CCBE1: variants seen among roughly 807,000 people sequenced by gnomAD.
CCBE1 encodes the protein collagen and calcium binding EGF domains 1.
Under a neutral mutation model 50.0 loss-of-function variants are expected in CCBE1, and 37 were observed. The ratio of observed to expected loss-of-function variants is 0.74; its 90% CI spans 0.57 to 0.97. The LOEUF is 0.97. Among genes scored for constraint, CCBE1 ranks in the 50% least tolerant of loss-of-function variants. CCBE1 has a pLI of 0.00. For synonymous variants in CCBE1, 234 were observed against 203.7 expected, an observed-to-expected ratio of 1.15 and a Z score of -1.27; for missense variants, 538 against 523.8, an observed-to-expected ratio of 1.03 and a Z score of -0.26.
At chr18:59,611,714 C>A (rs1483460062) in intron 2 of CCBE1, among the ~76,000 whole-genome samples, 52 of 151,846 alleles carry the variant, frequency 3.4e-4, no homozygotes. Context: ...CCACTGCACT[C>A]CAGCATGGGC....
intron 3 of CCBE1, among the ~76,000 whole-genome samples, chr18:59,473,135 A>G (rs1912117096): frequency 6.6e-6 from 1 of 152,210 alleles, no homozygotes; most frequent in Non-Finnish European, 1.5e-5. Flanking sequence ...AGTGGAGAAT[A>G]TTCTCCATTG....
chr18:59,542,908 T>A (rs1032898459), intron 2 of CCBE1, among the ~76,000 whole-genome samples: 1 of 152,196 alleles, frequency 6.6e-6, no homozygotes, highest in South Asian at 2.1e-4. Context: ...CCATGACTAC[T>A]GAACTCTCGA....
chr18:59,591,699 T>G (rs963917527), intron 2 of CCBE1, among the ~76,000 whole-genome samples: 1 of 152,210 alleles, frequency 6.6e-6, no homozygotes, highest in Admixed American at 6.5e-5. Context: ...CATACATTGC[T>G]GGTGGGCATA....
intron 2 of CCBE1, among the ~76,000 whole-genome samples, chr18:59,492,427 C>T (rs2143810888): frequency 6.6e-6 from 1 of 152,190 alleles, no homozygotes; most frequent in East Asian, 1.9e-4. Context: ...CTCATCCCAC[C>T]AGGTATGGTC....
intron 2 of CCBE1, among the ~76,000 whole-genome samples, chr18:59,549,407 C>T (rs1431284842): frequency 1.3e-5 from 2 of 152,160 alleles, no homozygotes; most frequent in African/African-American, 4.8e-5. Flanking sequence ...ATGAGCACCC[C>T]ACCAAGGGCT....
intron 2 of CCBE1, among the ~76,000 whole-genome samples, chr18:59,671,166 G>A (rs999838907): frequency 1.3e-5 from 2 of 152,042 alleles, no homozygotes; most frequent in African/African-American, 4.8e-5. Flanking sequence ...GACAGGTCCT[G>A]AACGCTAGGA....
intron 2 of CCBE1, among the ~76,000 whole-genome samples, chr18:59,522,719 G>T (rs1434323987): frequency 6.6e-6 from 1 of 152,182 alleles, no homozygotes; most frequent in East Asian, 1.9e-4. Context: ...GCCGGGCGCA[G>T]TGGCTCACGC....
intron 2 of CCBE1, among the ~76,000 whole-genome samples, chr18:59,505,658 A>G (rs181327621): frequency 1.3e-5 from 2 of 152,380 alleles, no homozygotes; most frequent in African/African-American, 4.8e-5. Flanking sequence ...ACATGTTAAA[A>G]TTGGAACAAA....
At chr18:59,499,214 G>A (rs1913498008) in intron 2 of CCBE1, among the ~76,000 whole-genome samples, 1 of 152,134 alleles carries the variant, frequency 6.6e-6, no homozygotes, top group South Asian at 2.1e-4. Flanking sequence ...TAAAAAGGAT[G>A]GCATTCAACT....
intron 2 of CCBE1, among the ~76,000 whole-genome samples, chr18:59,624,276 G>T (rs978275206): frequency 1.3e-5 from 2 of 152,116 alleles, no homozygotes; most frequent in Non-Finnish European, 2.9e-5. Context: ...ATTCTCTTTG[G>T]CCTGTGACAT....
intron 2 of CCBE1, among the ~76,000 whole-genome samples, chr18:59,671,447 A>G (rs2054428976): frequency 1.3e-5 from 2 of 151,258 alleles, no homozygotes; most frequent in Admixed American, 1.3e-4. Context: ...GCAGTGAGCC[A>G]TGATTGTACC....
chr18:59,629,352 A>T (rs982416334), intron 2 of CCBE1, among the ~76,000 whole-genome samples: 1 of 152,204 alleles, frequency 6.6e-6, no homozygotes. Flanking sequence ...CTGTGTCGCT[A>T]CAACTCCCTG....
intron 2 of CCBE1, among the ~76,000 whole-genome samples, chr18:59,489,415 ATTTAT>A (rs1258810641): frequency 7.1e-6 from 1 of 140,426 alleles, no homozygotes; most frequent in Non-Finnish European, 1.6e-5. Flanking sequence ...TCTTCTTTTT[ATTTAT>A]TTATTTTTTT....
chr18:59,650,253 G>A (rs1254165199), intron 2 of CCBE1, among the ~76,000 whole-genome samples: 1 of 151,196 alleles, frequency 6.6e-6, no homozygotes, highest in Non-Finnish European at 1.5e-5. Context: ...AGTTTCCATT[G>A]TCCACCCCTG....
intron 5 of CCBE1, among the ~76,000 whole-genome samples, chr18:59,463,528 T>A (rs978424599): frequency 2.0e-5 from 3 of 152,224 alleles, no homozygotes; most frequent in Non-Finnish European, 4.4e-5. Flanking sequence ...AGGTGGAGGC[T>A]ACCTGAGACC....
At chr18:59,512,513 C>T (rs978005105) in intron 2 of CCBE1, among the ~76,000 whole-genome samples, 1 of 152,254 alleles carries the variant, frequency 6.6e-6, no homozygotes, top group African/African-American at 2.4e-5. Flanking sequence ...CCCCACTGCC[C>T]TCAACTCATC....
In CCBE1 at chr18:59,528,068, A is replaced by G. The variant is rs531255925; in HGVS notation, c.213-47830T>C. ...ATTCTCCTGGATGATATCCTGGAGT[A>G]TGTTTTCCAACTTGGCTCTGTTCTC... On this transcript the variant is annotated intron_variant, in intron 2 of 10. Coordinates refer to ENST00000439986, the MANE Select transcript of CCBE1 (RefSeq NM_133459.4). Among the ~76,000 whole-genome samples the G allele has an allele frequency of 2.5e-4, 38 of 152,256 alleles. No homozygotes were observed. In the South Asian group the frequency reaches 7.9e-3, roughly 32 times the overall value.
chr18:59,508,190 C>T lies in CCBE1; in HGVS notation c.213-27952G>A, dbSNP rs550982796. Among the ~76,000 whole-genome samples the T allele has an allele frequency of 1.1e-4, 17 of 152,132 alleles. No individual in the cohort carries two copies. The East Asian group carries it at 2.7e-3, about 24-fold the overall frequency. On this transcript the variant is annotated intron_variant, in intron 2 of 10. Transcript: ENST00000439986. ...ACAGGCATGAGCCACTGCGCCCCGC[C>T]GTTAATTAGTACTTCTCTTGGACAA...
At chr18:59,682,853 T>C (rs2054609383) in intron 2 of CCBE1, among the ~76,000 whole-genome samples, 1 of 152,216 alleles carries the variant, frequency 6.6e-6, no homozygotes, top group South Asian at 2.1e-4. Context: ...AGAGTAAATA[T>C]TGCCATGATC....
Sources: gnomAD v4.1 joint callset for allele counts (sites outside exome capture counted in the v4.1 genomes callset) on GRCh38, gnomAD v4.1.1 for gene constraint, MANE v1.5 for transcripts, NCBI Gene and HGNC (gene_info 2026-07-23, HGNC 2026-07-21) for gene names.